SRC: variants seen among roughly 807,000 people sequenced by gnomAD.
SRC encodes SRC proto-oncogene, non-receptor tyrosine kinase.
A neutral mutation model predicts 62.9 loss-of-function variants in SRC; 13 were observed. The ratio of observed to expected loss-of-function variants is 0.21; its 90% CI spans 0.13 to 0.33. The LOEUF (loss-of-function observed/expected upper bound fraction) is 0.33. Ranked by LOEUF, SRC falls within the 10% of genes least tolerant of loss-of-function variation. SRC has a pLI of 1.00. For missense variants in SRC, 457 were observed against 737.3 expected (o/e 0.62, Z 4.40); for synonymous variants, 302 against 317.5 (o/e 0.95, Z 0.52).
At chr20:37,368,649 T>A (rs1600973644) in intron 2 of SRC, among the ~76,000 whole-genome samples, 1 of 136,638 alleles carries the variant, frequency 7.3e-6, no homozygotes, top group South Asian at 2.6e-4. Flanking sequence ...GCCTCCCGGG[T>A]TCACGCCATT....
At chr20:37,354,702 G>T (rs1209478077) in intron 1 of SRC, among the ~76,000 whole-genome samples, 1 of 152,192 alleles carries the variant, frequency 6.6e-6, no homozygotes, top group Non-Finnish European at 1.5e-5. Flanking sequence ...GCTGGGCCTG[G>T]TTGGGAGACT....
In SRC at chr20:37,384,418, G is replaced by A; in HGVS notation, c.250+15G>A. On this transcript the variant is annotated intron_variant, in intron 4 of 13. Transcript: ENST00000373578. The surrounding 1 kb of genome is among the most constrained non-coding windows in gnomAD (Gnocchi z 6.7). ...CCCGCTGGCCGGTCAGTGCGCGGGCGGCGCGGGGTCCTCGCCCACCTGGGG... is the reference window on the plus strand; with the variant it reads ...CCCGCTGGCCGGTCAGTGCGCGGGCAGCGCGGGGTCCTCGCCCACCTGGGG... 1 of 1,345,836 alleles carries A rather than the reference G, an allele frequency of 7.4e-7. No individual in the cohort carries two copies. 83.4% of individuals were successfully genotyped at this position (1,345,836 alleles called of 1,614,324 possible). A position where few individuals can be genotyped will look rare whatever the true frequency, so the allele number is the denominator to read the frequency against.
Position 37,396,547 on chromosome 20 carries a change from C to T in SRC, c.703+236C>T. The T allele has an allele frequency of 1.7e-6, 1 of 595,148 alleles. No homozygotes were observed. Among genetic ancestry groups the T allele is most frequent in the Non-Finnish European group, 2.9e-6 (1 of 340,566 alleles). The allele number at this position is 595,148 out of a possible 1,614,324, so 36.9% of individuals were successfully genotyped here. On this transcript the variant is annotated intron_variant, in intron 8 of 13. Coordinates refer to ENST00000373578, the MANE Select transcript of SRC (RefSeq NM_198291.3). The surrounding 1 kb of genome is among the most constrained non-coding windows in gnomAD (Gnocchi z 6.1). Reference sequence around the variant, plus strand: ...TGTCCCCCTCTCTCCCTGCTCCACGCAGTGTCCCACTGCCCGCCTTTCTCT... The same window carrying T: ...TGTCCCCCTCTCTCCCTGCTCCACGTAGTGTCCCACTGCCCGCCTTTCTCT...
chr20:37,360,220 T>C lies in SRC; in HGVS notation c.-246-4984T>C, dbSNP rs7264770. Among the ~76,000 whole-genome samples, 873 of 128,314 alleles carry C rather than the reference T, an allele frequency of 6.8e-3. 5 individuals carry two copies. Among genetic ancestry groups the C allele is most frequent in the African/African-American group, 0.028 (804 of 29,068 alleles). The allele number at this position is 128,314 out of a possible 152,430, so 84.2% of individuals were successfully genotyped here. A position where few individuals can be genotyped will look rare whatever the true frequency, so the allele number is the denominator to read the frequency against. ...TTTCTTTCTCTTTCTCTCTCTCTCT[T>C]TTTTTTTTTTTTTTTTTTGGTGAGA... On this transcript the variant is annotated intron_variant, in intron 1 of 13. Transcript: ENST00000373578.
chr20:37,374,678 G>T (rs753128337), intron 2 of SRC, among the ~76,000 whole-genome samples: 2 of 148,870 alleles, frequency 1.3e-5, no homozygotes, highest in East Asian at 4.0e-4. Context: ...AGGTTTAAGC[G>T]ACTCTCATGT....
At chr20:37,363,566 G>A (rs2070011053) in intron 1 of SRC, among the ~76,000 whole-genome samples, 2 of 152,220 alleles carry the variant, frequency 1.3e-5, no homozygotes, top group Non-Finnish European at 2.9e-5. Context: ...TATGTAAAAC[G>A]AGTGTGGCCA....
intron 1 of SRC, among the ~76,000 whole-genome samples, chr20:37,349,032 A>G (rs2069762594): frequency 6.6e-6 from 1 of 152,158 alleles, no homozygotes; most frequent in African/African-American, 2.4e-5. Context: ...GGGCTGGACC[A>G]TGCTGGGGCC....
chr20:37,377,133 G>T (rs2147013878), intron 2 of SRC, among the ~76,000 whole-genome samples: 1 of 152,310 alleles, frequency 6.6e-6, no homozygotes, highest in African/African-American at 2.4e-5. Context: ...AAAGCGCCCA[G>T]CCTTGTGCTT....
intron 1 of SRC, among the ~76,000 whole-genome samples, chr20:37,353,699 C>T (rs1233218696): frequency 1.3e-5 from 2 of 152,298 alleles, no homozygotes; most frequent in African/African-American, 2.4e-5. Context: ...CAAGGTCATC[C>T]AGTGCATGGA....
intron 1 of SRC, among the ~76,000 whole-genome samples, chr20:37,350,761 G>A (rs933306740): frequency 6.6e-6 from 1 of 152,072 alleles, no homozygotes; most frequent in Admixed American, 6.5e-5. Context: ...GAAGCTTCTG[G>A]GCTTTCATCC....
intron 5 of SRC, 169 bp downstream of exon 5, chr20:37,386,343 C>T: frequency 1.3e-6 from 1 of 744,534 alleles, no homozygotes; most frequent in Non-Finnish European, 2.4e-6. Flanking sequence ...CCCTGGGCAG[C>T]ACCTGCTGTT....
chr20:37,387,344 G>T (rs1014424145), intron 5 of SRC, among the ~76,000 whole-genome samples: 12 of 152,184 alleles, frequency 7.9e-5, no homozygotes, highest in Non-Finnish European at 1.5e-5. Context: ...CATGCCAGTC[G>T]TCTCCACCTG....
At chr20:37,347,410 C>T (rs1037049095) in intron 1 of SRC, among the ~76,000 whole-genome samples, 12 of 152,216 alleles carry the variant, frequency 7.9e-5, no homozygotes, top group Non-Finnish European at 1.6e-4. Context: ...CCCTCTAAGT[C>T]CCTATACGTG....
At chr20:37,378,232 A>T (rs1318996795) in intron 2 of SRC, among the ~76,000 whole-genome samples, 2 of 141,936 alleles carry the variant, frequency 1.4e-5, no homozygotes, top group African/African-American at 5.4e-5. Flanking sequence ...GCGCGATGAT[A>T]GCTCACTGCA....
rs375426969 is a variant in SRC at position 37,346,186 on chromosome 20, C to G, written c.-316C>G. On this transcript the variant is annotated 5_prime_UTR_variant, in exon 1 of 14. Transcript: ENST00000373578. ...CGGCCAGGCCGCCGTCTGCCCGTCC[C>G]GCTGGACGTCCCGCGGTCCGCCCTC... is the stretch of plus-strand genomic sequence containing the variant. 24 of 151,944 alleles carry G rather than the reference C, an allele frequency of 1.6e-4. No individual in the cohort carries two copies. In the East Asian group the frequency reaches 2.4e-3, roughly 15 times the overall value. 9.4% of individuals were successfully genotyped at this position (151,944 alleles called of 1,614,324 possible).
intron 2 of SRC, among the ~76,000 whole-genome samples, chr20:37,373,444 T>C (rs571556991): frequency 1.1e-5 from 1 of 95,068 alleles, no homozygotes; most frequent in East Asian, 2.9e-4. Flanking sequence ...TACGCATATA[T>C]ACGCATATAT....
In SRC at chr20:37,394,013, G is replaced by A. The variant is rs2070596392; in HGVS notation, c.449+20G>A. On this transcript the variant is annotated intron_variant, in intron 6 of 13. Transcript: ENST00000373578. Reference sequence around the variant, plus strand: ...TGAGGAGTGAGTACCGTCTCTGGCTGCCTCTACCCGTCGTCCCTGGACACT... The same window carrying A: ...TGAGGAGTGAGTACCGTCTCTGGCTACCTCTACCCGTCGTCCCTGGACACT... 6.2e-7 allele frequency: 1 copy of A among 1,609,930 alleles called. No individual in the cohort carries two copies. Among genetic ancestry groups the A allele is most frequent in the Admixed American group, 1.7e-5 (1 of 59,928 alleles).
chr20:37,375,119 C>A (rs1197977943), intron 2 of SRC, among the ~76,000 whole-genome samples: 1 of 150,160 alleles, frequency 6.7e-6, no homozygotes, highest in African/African-American at 2.5e-5. Context: ...TTAGTAGAGA[C>A]GAGGTTTCAC....
In SRC at chr20:37,402,286, A is replaced by T; in HGVS notation, c.1117-149A>T. On this transcript the variant is annotated intron_variant, in intron 11 of 13. Transcript: ENST00000373578. This position sits in a 1 kb window ranked among gnomAD's most constrained non-coding sequence, Gnocchi z 6.2. ...AGCACTGCTCCTGCTTTCGATGCCA[A>T]CAGCATTTACTGTGAACTGACCTCA... is the stretch of plus-strand genomic sequence containing the variant. 1 of 925,692 alleles carries T rather than the reference A, an allele frequency of 1.1e-6. No homozygotes were observed. The highest frequency in any genetic ancestry group is 1.6e-6 in the Non-Finnish European group (1 of 621,106). 57.3% of individuals were successfully genotyped at this position (925,692 alleles called of 1,614,324 possible).
Sources: gnomAD v4.1 joint callset for allele counts (sites outside exome capture counted in the v4.1 genomes callset) on GRCh38, gnomAD v4.1.1 for gene constraint, Gnocchi (gnomAD v3.1) non-coding constraint, MANE v1.5 for transcripts, NCBI Gene and HGNC (gene_info 2026-07-23, HGNC 2026-07-21) for gene names.